TRA2B: variants seen among roughly 807,000 people sequenced by gnomAD.
TRA2B encodes transformer-2 protein homolog beta.
TRA2B carries 14 observed loss-of-function variants against 41.7 expected under a neutral mutation model. That is an observed-to-expected ratio of 0.34 (90% CI 0.22 to 0.53). TRA2B has a LOEUF of 0.53. Among genes scored for constraint, TRA2B ranks in the 20% least tolerant of loss-of-function variants. The pLI is 0.95. For missense variants in TRA2B, 167 were observed against 396.8 expected (o/e 0.42, Z 4.92); for synonymous variants, 130 against 128.8 (o/e 1.01, Z -0.06).
At chr3:185,919,391 G>A (rs1445954825) in intron 7 of TRA2B, 46 bp downstream of exon 7, 4 of 1,494,938 alleles carry the variant, frequency 2.7e-6, no homozygotes, top group Non-Finnish European at 3.6e-6. Context: ...ATCTTTATGT[G>A]AAGCTTTATA....
intron 1 of TRA2B, chr3:185,935,448 T>C (rs959009278): frequency 3.2e-5 from 32 of 985,098 alleles, no homozygotes; most frequent in Non-Finnish European, 3.7e-5. Flanking sequence ...GTGATCAAAC[T>C]GAGAATAATT....
chr3:185,933,653 A>AT (rs1055683741), intron 1 of TRA2B, among the ~76,000 whole-genome samples: 2 of 152,044 alleles, frequency 1.3e-5, no homozygotes, highest in African/African-American at 4.8e-5. Context: ...TAAGGACTAT[A>AT]TTTTTTTCTG....
intron 1 of TRA2B, 124 bp downstream of exon 1, chr3:185,937,701 G>T: frequency 1.5e-6 from 2 of 1,361,330 alleles, no homozygotes; most frequent in Non-Finnish European, 1.0e-6. Flanking sequence ...TCCCTTGCCT[G>T]CCCTCCCGGC....
At chr3:185,924,829 G>GGA (rs2150114533) in intron 3 of TRA2B, 1 of 152,280 alleles carries the variant, frequency 6.6e-6, no homozygotes, top group Admixed American at 6.5e-5. Flanking sequence ...GATGACAAGA[G>GGA]GAAAGAATAA....
At position 185,917,733 on chromosome 3, in the gene TRA2B, GA is replaced by G. The variant is rs756629231; in HGVS notation, c.857-9del. The G allele has an allele frequency of 1.9e-6, 3 of 1,612,430 alleles. No individual in the cohort carries two copies. Among genetic ancestry groups the G allele is most frequent in the East Asian group, 2.2e-5 (1 of 44,816 alleles). ...TCATGCTTTAATAGCGACCTGGGAA[GA>G]AAAGAATGAACATGCTTTAATATTA... On this transcript the variant is annotated splice_polypyrimidine_tract_variant and intron_variant, in intron 8 of 8. Coordinates refer to ENST00000453386, the MANE Select transcript of TRA2B (RefSeq NM_004593.3).
chr3:185,921,012 A>G, intron 6 of TRA2B, 92 bp downstream of exon 6: 3 of 1,103,380 alleles, frequency 2.7e-6, no homozygotes, highest in Non-Finnish European at 4.0e-6. Context: ...GTACTAAAGC[A>G]AAGCTTTTAA....
At chr3:185,926,551 C>T (rs1359073593) in intron 2 of TRA2B, 50 bp downstream of exon 2, 4 of 1,606,648 alleles carry the variant, frequency 2.5e-6, no homozygotes, top group East Asian at 2.2e-5. Context: ...AAACACGCAC[C>T]AATTTCAGAG....
chr3:185,935,926 A>T lies in TRA2B; in HGVS notation c.36+1899T>A, dbSNP rs1016651237. 5 of 985,326 alleles carry T rather than the reference A, an allele frequency of 5.1e-6. No homozygotes were observed. In the African/African-American group the frequency reaches 8.7e-5, roughly 17 times the overall value. The allele number at this position is 985,326 out of a possible 1,614,324, so 61.0% of individuals were successfully genotyped here. ...AAAAAACTCAATTTTTAACACATTA[A>T]GTTAACCTCCCTCTACAATTCAAAG... On this transcript the variant is annotated intron_variant, in intron 1 of 8. Coordinates refer to ENST00000453386, the MANE Select transcript of TRA2B (RefSeq NM_004593.3).
At chr3:185,924,325 T>A (rs754766882) in intron 3 of TRA2B, 17 of 187,972 alleles carry the variant, frequency 9.0e-5, no homozygotes, top group East Asian at 4.5e-4. Context: ...GGAACCACAC[T>A]GTGTCTATCA....
intron 1 of TRA2B, chr3:185,934,461 A>C: frequency 1.0e-6 from 1 of 985,428 alleles, no homozygotes; most frequent in Non-Finnish European, 1.2e-6. Flanking sequence ...CAGCTTGAAA[A>C]TGTCACGTTC....
intron 4 of TRA2B, chr3:185,922,698 ACTGAAGCACAGC>A: frequency 6.6e-6 from 1 of 152,380 alleles, no homozygotes; most frequent in South Asian, 2.1e-4. Context: ...AAAAGCTAAG[ACTGAAGCACAGC>A]CTTAAGTACA....
At chr3:185,921,244 A>G (rs530021272) in intron 5 of TRA2B, 57 bp from the exon 6 acceptor site, 10 of 1,472,416 alleles carry the variant, frequency 6.8e-6, no homozygotes, top group East Asian at 2.3e-5. Flanking sequence ...ATGAGTTTTT[A>G]TATCTACTAG....
Position 185,915,002 on chromosome 3 carries a change from T to A in TRA2B, c.*2713A>T, listed in dbSNP as rs1194483267. Among the ~76,000 whole-genome samples the A allele has an allele frequency of 6.6e-6, 1 of 152,190 alleles. No individual in the cohort carries two copies. Among genetic ancestry groups the A allele is most frequent in the Non-Finnish European group, 1.5e-5 (1 of 68,034 alleles). On this transcript the variant is annotated 3_prime_UTR_variant, in exon 9 of 9. Transcript: ENST00000453386. ...GGCAACAATGTAAACATTGCAGACC[T>A]TGAGCATTCTCTAACATGTAGTTAG...
At chr3:185,931,329 A>G (rs1744147792) in intron 1 of TRA2B, among the ~76,000 whole-genome samples, 1 of 152,184 alleles carries the variant, frequency 6.6e-6, no homozygotes. Flanking sequence ...GTTTATCTAG[A>G]GAGGACAACA....
At chr3:185,937,461 C>G (rs1018559957) in intron 1 of TRA2B, 52 of 1,054,498 alleles carry the variant, frequency 4.9e-5, no homozygotes, top group Non-Finnish European at 5.8e-5. Flanking sequence ...AGCCCGCCAG[C>G]CCAAGATGGC....
chr3:185,935,240 A>G, intron 1 of TRA2B: 1 of 985,412 alleles, frequency 1.0e-6, no homozygotes, highest in African/African-American at 1.7e-5. Flanking sequence ...GAATCCGGAG[A>G]TGAAAACGAG....
At chr3:185,934,854 T>A (rs1560016072) in intron 1 of TRA2B, 2 of 985,324 alleles carry the variant, frequency 2.0e-6, no homozygotes, top group Non-Finnish European at 2.4e-6. Context: ...TATGTTGCAA[T>A]CACATCGGCT....
intron 1 of TRA2B, among the ~76,000 whole-genome samples, chr3:185,932,250 C>T (rs912488863): frequency 3.3e-5 from 5 of 152,108 alleles, no homozygotes; most frequent in African/African-American, 1.2e-4. Flanking sequence ...AAGGAAAGCA[C>T]GGACAATTCA....
intron 3 of TRA2B, chr3:185,924,250 TTTCC>T: frequency 3.3e-6 from 1 of 300,130 alleles, no homozygotes; most frequent in Middle Eastern, 9.3e-4. Flanking sequence ...ACTTGGCATC[TTTCC>T]TTCTATGAAT....
Sources: allele counts gnomAD v4.1 joint callset (sites outside exome capture counted in the v4.1 genomes callset), GRCh38; gene constraint gnomAD v4.1.1; transcripts MANE v1.5; gene names NCBI Gene and HGNC (gene_info 2026-07-23, HGNC 2026-07-21).